Variants in NRG3 observed in about 807,000 individuals in gnomAD.
NRG3 encodes the protein pro-neuregulin-3, membrane-bound isoform.
In NRG3, 31 loss-of-function variants were observed where a neutral mutation model predicts 66.9. That is an observed-to-expected ratio of 0.46 (90% CI 0.35 to 0.63). The LOEUF (loss-of-function observed/expected upper bound fraction) is 0.63, where lower values mean the gene tolerates loss of function less well. Ranked by LOEUF, NRG3 falls within the 20% of genes least tolerant of loss-of-function variation. The pLI is 0.00. For synonymous variants in NRG3, 393 were observed against 359.4 expected (o/e 1.09, Z -1.06); for missense variants, 910 against 878.9 (o/e 1.04, Z -0.45).
chr10:82,104,789 A>G (rs1292342146), intron 1 of NRG3, among the ~76,000 whole-genome samples: 2 of 152,218 alleles, frequency 1.3e-5, no homozygotes, highest in Non-Finnish European at 2.9e-5. Flanking sequence ...TTGCATGTGC[A>G]TATACACATG....
intron 1 of NRG3, among the ~76,000 whole-genome samples, chr10:81,976,348 T>C (rs2060124540): frequency 6.6e-6 from 1 of 152,188 alleles, no homozygotes; most frequent in African/African-American, 2.4e-5. Flanking sequence ...TAAAATAGGC[T>C]GGCCTCCCTC....
chr10:82,461,564 C>T (rs1311700408), intron 2 of NRG3, among the ~76,000 whole-genome samples: 1 of 152,156 alleles, frequency 6.6e-6, no homozygotes, highest in Non-Finnish European at 1.5e-5. Flanking sequence ...TAGATTTATC[C>T]ATTTGAAATT....
At chr10:82,938,642 C>T (rs1848303960) in intron 4 of NRG3, among the ~76,000 whole-genome samples, 1 of 152,162 alleles carries the variant, frequency 6.6e-6, no homozygotes, top group African/African-American at 2.4e-5. Flanking sequence ...AAGTGAAGCC[C>T]CATTACACCA....
intron 3 of NRG3, among the ~76,000 whole-genome samples, chr10:82,829,529 T>C (rs342371): frequency 0.31 from 47,017 of 151,924 alleles, 7,559 homozygotes; most frequent in Admixed American, 0.38. Context: ...GATCAGATAA[T>C]CAAGGTGAGG....
intron 2 of NRG3, among the ~76,000 whole-genome samples, chr10:82,677,884 G>A (rs1318302655): frequency 1.3e-5 from 2 of 152,200 alleles, no homozygotes; most frequent in Non-Finnish European, 2.9e-5. Flanking sequence ...TTGGTGGGTT[G>A]CCTTACTTCT....
chr10:82,491,331 C>T (rs574706764), intron 2 of NRG3, among the ~76,000 whole-genome samples: 6 of 44,006 alleles, frequency 1.4e-4, no homozygotes, highest in South Asian at 1.5e-3. Flanking sequence ...AAAGATGCAT[C>T]GCTTTCTAAC....
chr10:82,706,098 T>C (rs1436207468), intron 2 of NRG3, among the ~76,000 whole-genome samples: 1 of 152,064 alleles, frequency 6.6e-6, no homozygotes, highest in Non-Finnish European at 1.5e-5. Context: ...CTCCCTTTCT[T>C]TTCTTTTTTT....
chr10:82,197,387 T>G (rs2074506644), intron 1 of NRG3, among the ~76,000 whole-genome samples: 1 of 152,216 alleles, frequency 6.6e-6, no homozygotes, highest in Non-Finnish European at 1.5e-5. Flanking sequence ...GGGTGCTTTC[T>G]GTATGGATTA....
intron 1 of NRG3, among the ~76,000 whole-genome samples, chr10:82,146,834 G>A (rs995499260): frequency 3.9e-5 from 6 of 152,166 alleles, no homozygotes. Context: ...CCTGGGGTGT[G>A]GTACAGGGAG....
intron 1 of NRG3, among the ~76,000 whole-genome samples, chr10:81,922,761 C>A (rs117213977): frequency 3.9e-5 from 6 of 151,936 alleles, no homozygotes; most frequent in African/African-American, 1.5e-4. Context: ...AAAGAATTTA[C>A]GTGTGAGCTG....
rs563263481 is a variant in NRG3, at chr10:82,884,170, A to C, written c.1054+18733A>C. On this transcript the variant is annotated intron_variant, in intron 4 of 8. Transcript: ENST00000372141. ...TTAAAAATTTCCCTTGGGGGGAAAA[A>C]AAAGATGTTTGTCTTACATAACTGC... is the stretch of plus-strand genomic sequence containing the variant. Among the ~76,000 whole-genome samples the C allele has an allele frequency of 3.3e-5, 5 of 152,236 alleles. No individual in the cohort carries two copies. In the East Asian group the frequency reaches 5.8e-4, roughly 18 times the overall value.
At chr10:81,948,138 T>A (rs985623336) in intron 1 of NRG3, among the ~76,000 whole-genome samples, 1 of 152,174 alleles carries the variant, frequency 6.6e-6, no homozygotes, top group African/African-American at 2.4e-5. Flanking sequence ...TTTTCTTCTA[T>A]TGTAAAATCT....
At chr10:82,951,053 C>T (rs1849472827) in intron 4 of NRG3, among the ~76,000 whole-genome samples, 1 of 152,156 alleles carries the variant, frequency 6.6e-6, no homozygotes. Context: ...TCAGAAAACA[C>T]AGGGGCATCA....
intron 1 of NRG3, among the ~76,000 whole-genome samples, chr10:82,255,455 A>AAATACACCATATT (rs2077673956): frequency 6.6e-6 from 1 of 152,192 alleles, no homozygotes; most frequent in South Asian, 2.1e-4. Context: ...TCACAGTGGG[A>AAATACACCATATT]AATACACCAT....
chr10:82,512,636 CA>C (rs1425542068), intron 2 of NRG3, among the ~76,000 whole-genome samples: 2 of 152,158 alleles, frequency 1.3e-5, no homozygotes, highest in African/African-American at 4.8e-5. Flanking sequence ...AGTACGCTCT[CA>C]GTAAGTTTCA....
At chr10:82,706,876 C>T (rs1348427254) in intron 2 of NRG3, among the ~76,000 whole-genome samples, 2 of 151,780 alleles carry the variant, frequency 1.3e-5, no homozygotes, top group African/African-American at 4.8e-5. Flanking sequence ...CATCTTTAAT[C>T]CCAGCTACTT....
chr10:82,372,712 G>A (rs2084963011), intron 2 of NRG3, among the ~76,000 whole-genome samples: 1 of 152,102 alleles, frequency 6.6e-6, no homozygotes, highest in Admixed American at 6.5e-5. Flanking sequence ...TCCTGCCTCA[G>A]CCTCCCACCT....
rs530197383 is a variant in NRG3 at position 82,927,825 on chromosome 10, G to A, written c.1055-23644G>A. ...ACATACGTGTGCGTGTGTCTTTATA[G>A]TAGAGTGATTTATAATCCTTTGGCT... On this transcript the variant is annotated intron_variant, in intron 4 of 8. Coordinates refer to ENST00000372141, the MANE Select transcript of NRG3 (RefSeq NM_001010848.4). Among the ~76,000 whole-genome samples the A allele has an allele frequency of 4.6e-5, 7 of 152,268 alleles. No homozygotes were observed. In the South Asian group the frequency reaches 1.4e-3, roughly 32 times the overall value.
At chr10:82,544,438 A>G (rs1377154836) in intron 2 of NRG3, among the ~76,000 whole-genome samples, 1 of 152,174 alleles carries the variant, frequency 6.6e-6, no homozygotes, top group Non-Finnish European at 1.5e-5. Flanking sequence ...CCCCTGCCCT[A>G]CAACTATGTA....
Sources: allele counts gnomAD v4.1 joint callset (sites outside exome capture counted in the v4.1 genomes callset), GRCh38; gene constraint gnomAD v4.1.1; transcripts MANE v1.5; gene names NCBI Gene and HGNC (gene_info 2026-07-23, HGNC 2026-07-21).